Variants in DGKB observed in about 807,000 individuals in gnomAD.
DGKB encodes 90 kDa diacylglycerol kinase.
Under a neutral mutation model 114.3 loss-of-function variants are expected in DGKB, and 67 were observed. The ratio of observed to expected loss-of-function variants is 0.59; its 90% CI spans 0.48 to 0.72. DGKB has a LOEUF of 0.72. Among genes scored for constraint, DGKB ranks in the 30% least tolerant of loss-of-function variants. DGKB has a pLI of 0.00. For missense variants in DGKB, 907 were observed against 975.2 expected, an observed-to-expected ratio of 0.93 and a Z score of 0.93; for synonymous variants, 398 against 323.1, an observed-to-expected ratio of 1.23 and a Z score of -2.49.
intron 2 of DGKB, among the ~76,000 whole-genome samples, chr7:14,822,958 T>A (rs895636955): frequency 6.6e-6 from 1 of 152,062 alleles, no homozygotes; most frequent in Non-Finnish European, 1.5e-5. Context: ...TATAATTGGA[T>A]AATTCAATCC....
intron 23 of DGKB, among the ~76,000 whole-genome samples, chr7:14,287,340 CTTCTG>C (rs1313933876): frequency 1.3e-5 from 2 of 151,984 alleles, no homozygotes; most frequent in African/African-American, 4.8e-5. Context: ...CAGTGTATCT[CTTCTG>C]TTAAGATTAG....
intron 5 of DGKB, among the ~76,000 whole-genome samples, chr7:14,721,314 C>A (rs1829127116): frequency 6.6e-6 from 1 of 152,144 alleles, no homozygotes; most frequent in Non-Finnish European, 1.5e-5. Context: ...ACGTAAGGAT[C>A]ACATAATTTT....
At chr7:14,355,026 C>T (rs937501972) in intron 21 of DGKB, among the ~76,000 whole-genome samples, 4 of 152,150 alleles carry the variant, frequency 2.6e-5, no homozygotes, top group African/African-American at 9.7e-5. Flanking sequence ...GCAGAAACAA[C>T]TAGCTGGATT....
intron 5 of DGKB, among the ~76,000 whole-genome samples, chr7:14,722,488 T>C (rs1369862447): frequency 6.6e-6 from 1 of 152,140 alleles, no homozygotes; most frequent in Non-Finnish European, 1.5e-5. Flanking sequence ...TATGCATTCA[T>C]CAACTTGATT....
At chr7:14,753,362 A>G (rs894729965) in intron 4 of DGKB, among the ~76,000 whole-genome samples, 4 of 152,192 alleles carry the variant, frequency 2.6e-5, no homozygotes, top group African/African-American at 7.2e-5. Flanking sequence ...CACCCAACTG[A>G]ACTACTGTTC....
chr7:14,182,559 C>G (rs1416398717), intron 23 of DGKB, among the ~76,000 whole-genome samples: 1 of 152,112 alleles, frequency 6.6e-6, no homozygotes, highest in Non-Finnish European at 1.5e-5. Context: ...AGGAACCCTA[C>G]TTTAGAATGG....
intron 20 of DGKB, among the ~76,000 whole-genome samples, chr7:14,560,603 A>G (rs143431956): frequency 7.2e-5 from 11 of 152,166 alleles, no homozygotes; most frequent in South Asian, 4.1e-4. Flanking sequence ...TTATCCATTC[A>G]TCTGTGGTTG....
At chr7:14,807,562 A>C (rs1285804069) in intron 2 of DGKB, among the ~76,000 whole-genome samples, 1 of 152,042 alleles carries the variant, frequency 6.6e-6, no homozygotes, top group Non-Finnish European at 1.5e-5. Flanking sequence ...CTATGGTGTC[A>C]AATCATATTG....
intron 5 of DGKB, among the ~76,000 whole-genome samples, chr7:14,731,036 A>T (rs1347626663): frequency 6.6e-6 from 1 of 152,162 alleles, no homozygotes; most frequent in Non-Finnish European, 1.5e-5. Context: ...ACACTGGCAG[A>T]ACGTTTGGGA....
At position 14,574,390 on chromosome 7, in the gene DGKB, T is replaced by A. The variant is rs1269345587; in HGVS notation, c.1610-18A>T. ...TTCGTAACCTAGTGGGAAAAAAAAATACCTTGAGAAAAGAACTCTAACCAA... is the reference window on the plus strand; with the variant it reads ...TTCGTAACCTAGTGGGAAAAAAAAAAACCTTGAGAAAAGAACTCTAACCAA... On this transcript the variant is annotated intron_variant, in intron 19 of 25. Transcript: ENST00000402815. The A allele has an allele frequency of 6.3e-7, 1 of 1,592,340 alleles. No homozygotes were observed. Among genetic ancestry groups the A allele is most frequent in the South Asian group, 1.1e-5 (1 of 87,968 alleles).
chr7:14,635,614 A>G (rs1319514746), intron 13 of DGKB, among the ~76,000 whole-genome samples: 6 of 151,518 alleles, frequency 4.0e-5, no homozygotes, highest in Non-Finnish European at 8.9e-5. Context: ...CCTATTGACT[A>G]TTTTTTCAGA....
At chr7:14,400,613 G>A (rs961958358) in intron 21 of DGKB, among the ~76,000 whole-genome samples, 11 of 151,438 alleles carry the variant, frequency 7.3e-5, no homozygotes, top group Admixed American at 2.0e-4. Context: ...AGTATTTAAT[G>A]GAGATCAAAA....
chr7:14,271,829 G>A (rs182990479), intron 23 of DGKB, among the ~76,000 whole-genome samples: 40 of 152,252 alleles, frequency 2.6e-4, no homozygotes, highest in African/African-American at 8.9e-4. Context: ...GGGGGCGAGG[G>A]TACAGGCAAA....
Position 14,390,349 on chromosome 7 carries a change from A to G in DGKB, c.1836-44958T>C, listed in dbSNP as rs572348977. On this transcript the variant is annotated intron_variant, in intron 21 of 25. Transcript: ENST00000402815. ...CTACTAATTTTACTTTAATAATTTA[A>G]AAATGACTGTACTAACAGCTTGGCA... Among the ~76,000 whole-genome samples the G allele has an allele frequency of 2.0e-5, 3 of 152,346 alleles. No individual in the cohort carries two copies. The South Asian group carries it at 6.2e-4, about 32-fold the overall frequency.
intron 9 of DGKB, among the ~76,000 whole-genome samples, chr7:14,688,338 C>A (rs1038657263): frequency 6.6e-6 from 1 of 152,114 alleles, no homozygotes. Flanking sequence ...GCCATTTCAC[C>A]TTTCTTCCTA....
chr7:14,232,877 A>G (rs1181775547), intron 23 of DGKB, among the ~76,000 whole-genome samples: 1 of 152,004 alleles, frequency 6.6e-6, no homozygotes, highest in Non-Finnish European at 1.5e-5. Flanking sequence ...GACAAATTCT[A>G]GGCTCTATTC....
rs567489351 is a variant in DGKB, at chr7:14,734,345, C to T, written c.322+1696G>A. ...TGATCCACCGTGTCCGGCCTCTATACCAACAATTCTATATTCTACTTTGTG... is the reference window on the plus strand; with the variant it reads ...TGATCCACCGTGTCCGGCCTCTATATCAACAATTCTATATTCTACTTTGTG... On this transcript the variant is annotated intron_variant, in intron 5 of 25. Transcript: ENST00000402815. Among the ~76,000 whole-genome samples the T allele has an allele frequency of 7.2e-5, 11 of 152,098 alleles. No homozygotes were observed. In the South Asian group the frequency reaches 2.1e-3, roughly 29 times the overall value.
chr7:14,514,797 T>C (rs1788519102), intron 20 of DGKB, among the ~76,000 whole-genome samples: 6 of 152,138 alleles, frequency 3.9e-5, no homozygotes, highest in Admixed American at 3.9e-4. Flanking sequence ...CTCACACCTG[T>C]AATCTCAACA....
Position 14,188,607 on chromosome 7 carries a change from C to T in DGKB, c.2123-10456G>A, listed in dbSNP as rs1367657915. ...CCCGGGAGGCGGAGCTTGCAGTGAG[C>T]CTAGATCCCGCCACTGCACTCCAGC... On this transcript the variant is annotated intron_variant, in intron 23 of 25. Transcript: ENST00000402815. Among the ~76,000 whole-genome samples the T allele has an allele frequency of 8.7e-5, 10 of 115,214 alleles. 1 individual carries two copies. The highest frequency in any genetic ancestry group is 1.7e-4 in the Non-Finnish European group (9 of 53,684). The allele number at this position is 115,214 out of a possible 152,430, so 75.6% of individuals were successfully genotyped here.
Sources: allele counts gnomAD v4.1 joint callset (sites outside exome capture counted in the v4.1 genomes callset), GRCh38; gene constraint gnomAD v4.1.1; transcripts MANE v1.5; gene names NCBI Gene and HGNC (gene_info 2026-07-23, HGNC 2026-07-21).